The following CSN3 variants were observed in gnomAD, a reference collection of about 807,000 sequenced individuals.
CSN3 encodes the protein casein kappa.
CSN3 carries 7 observed loss-of-function variants against 9.9 expected under a neutral mutation model. The observed-to-expected ratio is 0.71, with a 90% CI of 0.40 to 1.33. CSN3 has a LOEUF of 1.33. Ranked by LOEUF, CSN3 falls within the 40% of genes most tolerant of loss-of-function variation. The pLI is 0.01. For missense variants in CSN3, 253 were observed against 227.9 expected (o/e 1.11, Z -0.71); for synonymous variants, 88 against 82.3 (o/e 1.07, Z -0.37).
chr4:70,249,022 T>G (rs367828250), exon 4 of CSN3: 3 of 1,600,960 alleles, frequency 1.9e-6, no homozygotes, highest in Non-Finnish European at 2.6e-6. Flanking sequence ...TGAAAGACCA[T>G]TCTATCAGAA....
chr4:70,245,415 TTGAC>T (rs1730358446), intron 2 of CSN3, among the ~76,000 whole-genome samples: 1 of 152,166 alleles, frequency 6.6e-6, no homozygotes, highest in African/African-American at 2.4e-5. Context: ...ATTATGTCAA[TTGAC>T]TGACCCCTTT....
chr4:70,248,384 A>G (rs1359215281), intron 3 of CSN3, among the ~76,000 whole-genome samples: 1 of 152,176 alleles, frequency 6.6e-6, no homozygotes, highest in Admixed American at 6.5e-5. Context: ...ACAGAGGCAC[A>G]TAGATATAGA....
chr4:70,248,586 G>A (rs1053881864), intron 3 of CSN3, among the ~76,000 whole-genome samples: 2 of 151,990 alleles, frequency 1.3e-5, no homozygotes, highest in African/African-American at 4.8e-5. Flanking sequence ...GAATACATAC[G>A]TGTGTGTGCG....
At chr4:70,249,066 A>G (rs775814128) in exon 4 of CSN3, 7 of 1,613,824 alleles carry the variant, frequency 4.3e-6, no homozygotes, top group Non-Finnish European at 5.9e-6. Flanking sequence ...ATTATGTGCC[A>G]AATAGCTATC....
At position 70,244,799 on chromosome 4, in the gene CSN3, A is replaced by G; in HGVS notation, c.-8-13A>G. Reference sequence around the variant, plus strand: ...ATTCTTTTAAATTAATTTTTTTTTAAATTTATCTTTAGGTGCAATAATGAA... The same window carrying G: ...ATTCTTTTAAATTAATTTTTTTTTAGATTTATCTTTAGGTGCAATAATGAA... On this transcript the variant is annotated splice_polypyrimidine_tract_variant and intron_variant, in intron 1 of 4. Transcript: ENST00000304954. 6.8e-7 allele frequency: 1 copy of G among 1,470,652 alleles called. No individual in the cohort carries two copies. The highest frequency in any genetic ancestry group is 9.1e-7 in the Non-Finnish European group (1 of 1,097,742). The allele number at this position is 1,470,652 out of a possible 1,614,324, so 91.1% of individuals were successfully genotyped here.
chr4:70,251,058 G>GA (rs1317580774), intron 4 of CSN3, among the ~76,000 whole-genome samples: 2 of 148,828 alleles, frequency 1.3e-5, no homozygotes, highest in Admixed American at 6.7e-5. Flanking sequence ...GCATGTAAAA[G>GA]AGTTTTTTCT....
intron 4 of CSN3, among the ~76,000 whole-genome samples, chr4:70,250,902 A>G (rs1386510170): frequency 1.3e-5 from 2 of 152,180 alleles, no homozygotes; most frequent in Admixed American, 1.3e-4. Context: ...TCAACAGGAT[A>G]TCCATTAAGA....
chr4:70,245,692 C>T (rs1157677526), intron 2 of CSN3, among the ~76,000 whole-genome samples: 2 of 152,050 alleles, frequency 1.3e-5, no homozygotes, highest in Admixed American at 1.3e-4. Flanking sequence ...CACTAGTCCT[C>T]GTTCTGTGAA....
At chr4:70,249,473 A>T in exon 4 of CSN3, 1 of 1,589,300 alleles carries the variant, frequency 6.3e-7, no homozygotes, top group African/African-American at 1.3e-5. Flanking sequence ...CACCAAGGAA[A>T]TATCAAAGAA....
chr4:70,250,985 A>G (rs1730471537), intron 4 of CSN3, among the ~76,000 whole-genome samples: 1 of 152,214 alleles, frequency 6.6e-6, no homozygotes, highest in South Asian at 2.1e-4. Flanking sequence ...ATTAATAAAG[A>G]CAACATGAAA....
intron 1 of CSN3, 22 bp from the exon 2 acceptor site, chr4:70,244,788 ATT>A (rs140888032): frequency 2.9e-6 from 4 of 1,388,504 alleles, no homozygotes; most frequent in South Asian, 1.6e-5. Flanking sequence ...TTTTAAATTA[ATT>A]TTTTTTTAAA....
intron 1 of CSN3, chr4:70,243,045 A>G (rs1250696859): frequency 3.6e-6 from 1 of 279,484 alleles, no homozygotes; most frequent in Non-Finnish European, 5.4e-6. Context: ...TATTTCTATA[A>G]AAGTCATAAT....
intron 1 of CSN3, among the ~76,000 whole-genome samples, chr4:70,243,941 C>A (rs1361894167): frequency 2.0e-5 from 3 of 151,908 alleles, no homozygotes; most frequent in Non-Finnish European, 4.4e-5. Context: ...GTCTCATAAC[C>A]CTCCACTTCC....
chr4:70,239,108 T>C (rs564153160), upstream of CSN3, among the ~76,000 whole-genome samples: 1 of 151,700 alleles, frequency 6.6e-6, no homozygotes, highest in Admixed American at 6.6e-5. Flanking sequence ...GGAGAAAAGA[T>C]AGAGTGGTGG....
upstream of CSN3, among the ~76,000 whole-genome samples, chr4:70,240,799 T>C (rs62308371): frequency 0.11 from 17,219 of 151,954 alleles, 1,277 homozygotes; most frequent in East Asian, 0.27. Context: ...TGAAACAGTA[T>C]CTGAAATAAG....
chr4:70,251,139 G>A (rs1412017111), intron 4 of CSN3, 123 bp from the exon 5 acceptor site: 1 of 152,100 alleles, frequency 6.6e-6, no homozygotes, highest in Non-Finnish European at 1.5e-5. Context: ...GTTTAAATAT[G>A]TAATCTGATT....
exon 4 of CSN3, chr4:70,249,141 T>C (rs1210078776): frequency 6.2e-7 from 1 of 1,614,048 alleles, no homozygotes; most frequent in Admixed American, 1.7e-5. Flanking sequence ...CATATGTGCC[T>C]CGCACATATT....
chr4:70,246,343 G>T (rs1730376698), intron 2 of CSN3, among the ~76,000 whole-genome samples: 1 of 151,818 alleles, frequency 6.6e-6, no homozygotes, highest in African/African-American at 2.4e-5. Context: ...ATCATTTTAA[G>T]GTATTAACGA....
At chr4:70,248,913 T>A in intron 3 of CSN3, 85 bp from the exon 4 acceptor site, 1 of 957,056 alleles carries the variant, frequency 1.0e-6, no homozygotes, top group South Asian at 1.8e-5. Context: ...GTAAATACTA[T>A]ATTATTTCAA....
Sources: allele counts gnomAD v4.1 joint callset (sites outside exome capture counted in the v4.1 genomes callset), GRCh38; gene constraint gnomAD v4.1.1; transcripts MANE v1.5; gene names NCBI Gene and HGNC (gene_info 2026-07-23, HGNC 2026-07-21).